The following MPDZ variants were observed in gnomAD, a reference collection of about 807,000 sequenced individuals.
The protein encoded by MPDZ is multiple PDZ domain protein.
A neutral mutation model predicts 239.1 loss-of-function variants in MPDZ; 234 were observed. That is an observed-to-expected ratio of 0.98 (90% CI 0.88 to 1.09). The LOEUF is 1.09. Among genes scored for constraint, MPDZ ranks in the 50% least tolerant of loss-of-function variants. The pLI is 0.00. For missense variants in MPDZ, 3,175 were observed against 2,510.0 expected (o/e 1.26, Z -5.66); for synonymous variants, 1,048 against 881.3 (o/e 1.19, Z -3.35).
Position 13,163,810 on chromosome 9 carries a change from TAATAA to T in MPDZ, c.3255-1020_3255-1016del, listed in dbSNP as rs36210816. Reference sequence around the variant, plus strand: ...GATAAAAAGATTGTCTTTTATGTTGTAATAAAATAAAAATTTATACCAATGTCATA... The same window carrying T: ...GATAAAAAGATTGTCTTTTATGTTGTAATAAAAATTTATACCAATGTCATA... On this transcript the variant is annotated intron_variant, in intron 22 of 46. Transcript: ENST00000319217. Among the ~76,000 whole-genome samples, 1,433 of 152,306 alleles carry T rather than the reference TAATAA, an allele frequency of 9.4e-3. 32 individuals carry two copies. The highest frequency in any genetic ancestry group is 0.085 in the South Asian group (409 of 4,826).
At chr9:13,271,155 C>G (rs1006766852) in intron 1 of MPDZ, among the ~76,000 whole-genome samples, 5 of 151,992 alleles carry the variant, frequency 3.3e-5, no homozygotes, top group Non-Finnish European at 7.4e-5. Flanking sequence ...TTACAATTAC[C>G]GGTAGTATTT....
At position 13,222,894 on chromosome 9, in the gene MPDZ, T is replaced by C. The variant is rs543146872; in HGVS notation, c.534-448A>G. ...CCAACTGGGGATCACATCCATAGAT[T>C]AGATCCCCAACTGGGGATCACATCC... On this transcript the variant is annotated intron_variant, in intron 5 of 46. Transcript: ENST00000319217. Among the ~76,000 whole-genome samples, 808 of 151,544 alleles carry C rather than the reference T, an allele frequency of 5.3e-3. 1 individual carries two copies. The highest frequency in any genetic ancestry group is 8.5e-3 in the Non-Finnish European group (577 of 67,804).
intron 1 of MPDZ, among the ~76,000 whole-genome samples, chr9:13,273,854 G>A (rs1034597195): frequency 2.0e-5 from 3 of 152,182 alleles, no homozygotes; most frequent in East Asian, 1.9e-4. Context: ...TACATGCCAC[G>A]TGGTAGTGAA....
chr9:13,176,334 T>C lies in MPDZ; in HGVS notation c.2733A>G (p.Arg911=). Residue 911 remains arginine, a synonymous_variant, in exon 20 of 47, where the codon AGA becomes AGG. Transcript: ENST00000319217. ...EELYTQNLLQ[R]QDENTPSVDI... Reference sequence around the variant, plus strand: ...CCACCGAAGGTGTATTCTCATCCTGTCTTTGCAGGAGATTCTGGGTATATA... The same window carrying C: ...CCACCGAAGGTGTATTCTCATCCTGCCTTTGCAGGAGATTCTGGGTATATA... 1 of 1,608,754 alleles carries C rather than the reference T, an allele frequency of 6.2e-7. No homozygotes were observed. The highest frequency in any genetic ancestry group is 8.5e-7 in the Non-Finnish European group (1 of 1,177,204).
rs1303806596 is a variant in MPDZ, at chr9:13,259,102, G to A, written c.-57-8730C>T. 2.6e-5 allele frequency among the ~76,000 whole-genome samples: 4 copies of A among 152,058 alleles called. No homozygotes were observed. In the East Asian group the frequency reaches 7.7e-4, roughly 29 times the overall value. On this transcript the variant is annotated intron_variant, in intron 1 of 46. Transcript: ENST00000319217. ...TTATTTTATCTAACAATCCTACTAT[G>A]TACATGCTAGCTTAGAAATAACAAC...
At position 13,141,201 on chromosome 9, in the gene MPDZ, TTACAGATGATCAAACA is replaced by T. The variant is rs557860765; in HGVS notation, c.3841-1068_3841-1053del. 8.5e-5 allele frequency among the ~76,000 whole-genome samples: 13 copies of T among 152,284 alleles called. No individual in the cohort carries two copies. In the East Asian group the frequency reaches 2.1e-3, roughly 25 times the overall value. On this transcript the variant is annotated intron_variant, in intron 27 of 46. Transcript: ENST00000319217. ...CAATTACTTTTGCACTAACCTAATG[TTACAGATGATCAAACA>T]ATGTTAGAGTTTGAAAGGTCTTTAA...
At chr9:13,233,555 A>G (rs1963140722) in intron 3 of MPDZ, among the ~76,000 whole-genome samples, 1 of 152,134 alleles carries the variant, frequency 6.6e-6, no homozygotes, top group South Asian at 2.1e-4. Context: ...ATCATTTTCC[A>G]TATCTTGATT....
chr9:13,220,320 A>C (rs1279644663), intron 7 of MPDZ, among the ~76,000 whole-genome samples: 1 of 151,990 alleles, frequency 6.6e-6, no homozygotes, highest in Admixed American at 6.6e-5. Flanking sequence ...CTCCATACAC[A>C]TGCAGTCCAT....
intron 3 of MPDZ, 129 bp downstream of exon 3, chr9:13,247,506 T>C: frequency 1.1e-6 from 1 of 944,738 alleles, no homozygotes; most frequent in South Asian, 2.6e-5. Context: ...GAATGTCTCA[T>C]TTGGAGGTTT....
chr9:13,254,322 C>A (rs1968873937), intron 1 of MPDZ, among the ~76,000 whole-genome samples: 1 of 152,130 alleles, frequency 6.6e-6, no homozygotes. Context: ...CATCTTTAAA[C>A]AAATCACTTT....
intron 1 of MPDZ, chr9:13,276,620 T>A (rs958282698): frequency 1.3e-5 from 2 of 152,188 alleles, no homozygotes; most frequent in Admixed American, 6.5e-5. Context: ...CTTCTTCTCT[T>A]TAAAGTGTAG....
intron 3 of MPDZ, among the ~76,000 whole-genome samples, chr9:13,246,846 T>C (rs1402831909): frequency 6.6e-6 from 1 of 152,192 alleles, no homozygotes; most frequent in Non-Finnish European, 1.5e-5. Flanking sequence ...GAATGAAAAC[T>C]AACTTGGATT....
intron 17 of MPDZ, among the ~76,000 whole-genome samples, chr9:13,187,095 T>A (rs1234317758): frequency 6.6e-6 from 1 of 152,162 alleles, no homozygotes; most frequent in Non-Finnish European, 1.5e-5. Flanking sequence ...TCAGCCTGCC[T>A]ACATCACCTG....
intron 3 of MPDZ, among the ~76,000 whole-genome samples, chr9:13,236,901 TG>T (rs1964198902): frequency 6.6e-6 from 1 of 151,994 alleles, no homozygotes; most frequent in Admixed American, 6.6e-5. Context: ...TCAAAAATAA[TG>T]GGTTATTTTT....
intron 10 of MPDZ, among the ~76,000 whole-genome samples, chr9:13,213,238 A>T (rs1957853135): frequency 6.6e-6 from 1 of 152,090 alleles, no homozygotes; most frequent in South Asian, 2.1e-4. Flanking sequence ...AAATGGAGAC[A>T]TTCAGTCTAT....
chr9:13,112,451 G>C (rs1017587865), intron 42 of MPDZ, among the ~76,000 whole-genome samples: 7 of 152,164 alleles, frequency 4.6e-5, no homozygotes, highest in African/African-American at 1.7e-4. Flanking sequence ...AGAGTCCTGT[G>C]TTCAAAGCCA....
intron 25 of MPDZ, among the ~76,000 whole-genome samples, chr9:13,148,936 A>G (rs1948787721): frequency 6.6e-6 from 1 of 152,010 alleles, no homozygotes; most frequent in Admixed American, 6.6e-5. Context: ...AACTTTTTAA[A>G]TATATTTAAA....
chr9:13,112,884 G>T, intron 42 of MPDZ, 127 bp downstream of exon 42: 1 of 891,726 alleles, frequency 1.1e-6, no homozygotes, highest in Non-Finnish European at 1.7e-6. Flanking sequence ...TATTTCACAT[G>T]TAATATGTAA....
intron 11 of MPDZ, 62 bp from the exon 12 acceptor site, chr9:13,205,169 T>G: frequency 1.1e-6 from 1 of 875,478 alleles, no homozygotes; most frequent in Non-Finnish European, 1.6e-6. Context: ...TGAATTTTTC[T>G]AAACCCAGTA....
Sources: gnomAD v4.1 joint callset for allele counts (sites outside exome capture counted in the v4.1 genomes callset) on GRCh38, gnomAD v4.1.1 for gene constraint, MANE v1.5 for transcripts, NCBI Gene and HGNC (gene_info 2026-07-23, HGNC 2026-07-21) for gene names.